Variants in MUC13 observed in about 807,000 individuals in gnomAD.
MUC13 encodes mucin 13, cell surface associated.
MUC13 carries 32 observed loss-of-function variants against 48.3 expected under a neutral mutation model. The observed-to-expected ratio is 0.66, with a 90% CI of 0.50 to 0.89. The LOEUF (loss-of-function observed/expected upper bound fraction) is 0.89, where lower values mean the gene tolerates loss of function less well. Ranked by LOEUF, MUC13 falls within the 40% of genes least tolerant of loss-of-function variation. The pLI, the probability that MUC13 is intolerant of heterozygous loss-of-function variation, is 0.00. For missense variants in MUC13, 571 were observed against 622.8 expected (o/e 0.92, Z 0.88); for synonymous variants, 199 against 224.9 (o/e 0.88, Z 1.03).
chr3:124,910,203 C>T (rs2107667309), intron 10 of MUC13, among the ~76,000 whole-genome samples: 1 of 152,196 alleles, frequency 6.6e-6, no homozygotes, highest in East Asian at 1.9e-4. Flanking sequence ...TGTTTGGAAA[C>T]TAGAGAGTGT....
chr3:124,931,309 T>C lies in MUC13; in HGVS notation c.53-3316A>G, dbSNP rs145591287. ...ATCTGGGCATGGTGGCACACGCCTG[T>C]AGTCCCAACTACTTGGGAGGCTGAG... On this transcript the variant is annotated intron_variant, in intron 1 of 11. Coordinates refer to ENST00000616727, the MANE Select transcript of MUC13 (RefSeq NM_033049.4). Among the ~76,000 whole-genome samples the C allele has an allele frequency of 5.3e-5, 8 of 151,972 alleles. No individual in the cohort carries two copies. The East Asian group carries it at 1.5e-3, about 29-fold the overall frequency.
chr3:124,916,513 T>C (rs112137250), intron 5 of MUC13, 33 bp from the exon 6 acceptor site: 1 of 1,580,232 alleles, frequency 6.3e-7, no homozygotes, highest in African/African-American at 1.3e-5. Flanking sequence ...ACTTAATGAA[T>C]TGAACTGAAG....
In MUC13 at chr3:124,913,566, G is replaced by A. The variant is rs765887482; in HGVS notation, c.1080C>T (p.Cys360=). The A allele has an allele frequency of 2.4e-5, 39 of 1,614,190 alleles. No individual in the cohort carries two copies. The highest frequency in any genetic ancestry group is 3.0e-5 in the Non-Finnish European group (35 of 1,180,036). ...AGAAGCAGGTGAAACACTTACCAACGCAGAAAGGGCTCTGTGGGTTAGGCC... is the reference window on the plus strand; with the variant it reads ...AGAAGCAGGTGAAACACTTACCAACACAGAAAGGGCTCTGTGGGTTAGGCC... The part of the protein sequence containing the change: ...LQRPNPQSPF[C]VASSLKCPDA... The change falls in exon 7 of 12, where the codon TGC becomes TGT. Residue 360 remains cysteine, a synonymous_variant. Transcript: ENST00000616727.
chr3:124,911,086 G>A (rs888264921), intron 9 of MUC13, among the ~76,000 whole-genome samples: 2 of 152,174 alleles, frequency 1.3e-5, no homozygotes, highest in African/African-American at 4.8e-5. Flanking sequence ...GAGAGAATTG[G>A]TTTATCTTTT....
At chr3:124,924,470 T>C (rs928884727) in intron 2 of MUC13, among the ~76,000 whole-genome samples, 29 of 152,270 alleles carry the variant, frequency 1.9e-4, no homozygotes, top group Non-Finnish European at 1.3e-4. Context: ...ATAGCTTATG[T>C]GTTTGATAAC....
chr3:124,908,495 C>A, intron 10 of MUC13, 147 bp from the exon 11 acceptor site: 1 of 699,870 alleles, frequency 1.4e-6, no homozygotes, highest in East Asian at 2.7e-5. Flanking sequence ...ACGGCGTTCT[C>A]ACACACTTAT....
intron 1 of MUC13, among the ~76,000 whole-genome samples, chr3:124,929,934 G>A (rs1427420743): frequency 6.6e-6 from 1 of 152,162 alleles, no homozygotes; most frequent in African/African-American, 2.4e-5. Flanking sequence ...GAATGAAAGC[G>A]GTGGAAATAG....
chr3:124,907,238 CT>C (rs1222591943), intron 11 of MUC13, among the ~76,000 whole-genome samples: 8 of 152,264 alleles, frequency 5.3e-5, no homozygotes, highest in African/African-American at 1.9e-4. Flanking sequence ...AACTCTTGGG[CT>C]CAAGCAATTC....
At chr3:124,910,341 A>G (rs952677918) in intron 10 of MUC13, 74 bp downstream of exon 10, 5 of 1,556,914 alleles carry the variant, frequency 3.2e-6, no homozygotes, top group Admixed American at 3.8e-5. Flanking sequence ...CGAGACCAAC[A>G]TGGGCAACAT....
intron 8 of MUC13, 60 bp from the exon 9 acceptor site, chr3:124,912,201 A>T: frequency 1.9e-6 from 3 of 1,594,698 alleles, no homozygotes; most frequent in East Asian, 4.5e-5. Context: ...AGCATGTCAG[A>T]GTTCCCACCC....
At position 124,916,352 on chromosome 3, in the gene MUC13, AT is replaced by A. The variant is rs766603384; in HGVS notation, c.928del (p.Ile310LeufsTer9). 1 of 1,612,866 alleles carries A rather than the reference AT, an allele frequency of 6.2e-7. No homozygotes were observed. Among genetic ancestry groups the A allele is most frequent in the Non-Finnish European group, 8.5e-7 (1 of 1,179,786 alleles). ...TAGAAAGTTGCTTGAGCTACTTCTAATTGCTTTATTAATTTTCTCAGTCACA... is the reference window on the plus strand; with the variant it reads ...TAGAAAGTTGCTTGAGCTACTTCTAATGCTTTATTAATTTTCTCAGTCACA... Reference protein sequence around the residue: ...KTVTEKINKAIRSSSSNFLNY... With the variant: ...KTVTEKINKAXRSSSSNFLNY... On this transcript the variant is annotated frameshift_variant, in exon 6 of 12. Coordinates refer to ENST00000616727, the MANE Select transcript of MUC13 (RefSeq NM_033049.4). LOFTEE classifies it high-confidence loss of function.
At chr3:124,919,676 T>A (rs1935561575) in intron 5 of MUC13, among the ~76,000 whole-genome samples, 1 of 152,136 alleles carries the variant, frequency 6.6e-6, no homozygotes, top group African/African-American at 2.4e-5. Context: ...ATTGCTAATT[T>A]CTTGAGAATC....
At chr3:124,911,307 G>A (rs1422318991) in intron 9 of MUC13, among the ~76,000 whole-genome samples, 1 of 152,146 alleles carries the variant, frequency 6.6e-6, no homozygotes, top group African/African-American at 2.4e-5. Context: ...TTCCCCAAAT[G>A]CTGCCTTTAA....
chr3:124,911,277 G>A (rs1487274709), intron 9 of MUC13, among the ~76,000 whole-genome samples: 2 of 152,032 alleles, frequency 1.3e-5, no homozygotes, highest in Admixed American at 6.6e-5. Flanking sequence ...AGACCTCTTC[G>A]TCTCTTTCTG....
At chr3:124,914,411 G>A (rs561922379) in intron 6 of MUC13, among the ~76,000 whole-genome samples, 2 of 151,160 alleles carry the variant, frequency 1.3e-5, no homozygotes, top group East Asian at 2.0e-4. Context: ...AATCCGTCTC[G>A]GGGAGAAAAA....
At chr3:124,910,372 CTA>C (rs1265514554) in intron 10 of MUC13, 41 bp downstream of exon 10, 1 of 1,579,944 alleles carries the variant, frequency 6.3e-7, no homozygotes, top group East Asian at 2.3e-5. Context: ...CCCCATCTCT[CTA>C]TAAAAAAAAA....
intron 3 of MUC13, 74 bp from the exon 4 acceptor site, chr3:124,922,377 A>T: frequency 6.6e-7 from 1 of 1,513,260 alleles, no homozygotes; most frequent in Non-Finnish European, 8.9e-7. Context: ...TAAAACATAG[A>T]TTATTTTTTA....
chr3:124,934,455 C>G (rs1315998615), intron 1 of MUC13, among the ~76,000 whole-genome samples: 3 of 152,154 alleles, frequency 2.0e-5, no homozygotes, highest in African/African-American at 7.2e-5. Context: ...CCACCGCGCC[C>G]AGCCCACAGA....
intron 5 of MUC13, 38 bp downstream of exon 5, chr3:124,920,196 C>T: frequency 6.4e-7 from 1 of 1,562,222 alleles, no homozygotes. Flanking sequence ...GTTAGACAGA[C>T]ACACATCTGC....
Sources: allele counts gnomAD v4.1 joint callset (sites outside exome capture counted in the v4.1 genomes callset), GRCh38; gene constraint gnomAD v4.1.1; transcripts MANE v1.5; gene names NCBI Gene and HGNC (gene_info 2026-07-23, HGNC 2026-07-21).